PKNOX2: variants seen among roughly 807,000 people sequenced by gnomAD.
The protein encoded by PKNOX2 is PBX/knotted 1 homeobox 2, also known as homeobox protein PKNOX2.
Under a neutral mutation model 53.1 loss-of-function variants are expected in PKNOX2, and 14 were observed. The observed-to-expected ratio is 0.26, with a 90% CI of 0.17 to 0.41. The LOEUF is 0.41. Among genes scored for constraint, PKNOX2 ranks in the 10% least tolerant of loss-of-function variants. PKNOX2 has a pLI of 1.00. For missense variants in PKNOX2, 496 were observed against 602.8 expected, an observed-to-expected ratio of 0.82 and a Z score of 1.85; for synonymous variants, 257 against 242.8, an observed-to-expected ratio of 1.06 and a Z score of -0.54.
intron 5 of PKNOX2, among the ~76,000 whole-genome samples, chr11:125,368,676 A>T (rs1181488677): frequency 6.6e-6 from 1 of 152,166 alleles, no homozygotes; most frequent in Non-Finnish European, 1.5e-5. Flanking sequence ...CTTGTTCTGC[A>T]TCTGCCCCAC....
intron 2 of PKNOX2, among the ~76,000 whole-genome samples, chr11:125,326,991 C>T (rs763645250): frequency 9.2e-5 from 14 of 152,168 alleles, no homozygotes; most frequent in South Asian, 2.1e-4. Flanking sequence ...ACCGCACTCA[C>T]GGAAGAAGAG....
At chr11:125,339,231 G>A (rs1360346489) in intron 3 of PKNOX2, among the ~76,000 whole-genome samples, 1 of 152,184 alleles carries the variant, frequency 6.6e-6, no homozygotes, top group African/African-American at 2.4e-5. Flanking sequence ...GAGGATGTGG[G>A]TAATAACCCT....
At chr11:125,391,002 T>C (rs1954017771) in intron 6 of PKNOX2, among the ~76,000 whole-genome samples, 1 of 152,222 alleles carries the variant, frequency 6.6e-6, no homozygotes, top group African/African-American at 2.4e-5. Context: ...CCTGATTAGA[T>C]TTGAGCATTG....
At chr11:125,315,303 G>GCAAA (rs1949087067) in intron 2 of PKNOX2, among the ~76,000 whole-genome samples, 1 of 79,456 alleles carries the variant, frequency 1.3e-5, no homozygotes, top group African/African-American at 3.9e-5. Flanking sequence ...TGTGAAGCAG[G>GCAAA]AAAAAAAAAA....
At chr11:125,226,026 C>T (rs935961798) in intron 1 of PKNOX2, among the ~76,000 whole-genome samples, 1 of 152,246 alleles carries the variant, frequency 6.6e-6, no homozygotes, top group African/African-American at 2.4e-5. Flanking sequence ...CAACTTGCCT[C>T]CTCCTTTCTG....
chr11:125,170,988 G>C (rs924686216), intron 1 of PKNOX2, among the ~76,000 whole-genome samples: 1 of 148,848 alleles, frequency 6.7e-6, no homozygotes, highest in Non-Finnish European at 1.5e-5. Context: ...CTGGGGTGGA[G>C]GAGGAGCCAG....
In PKNOX2 at chr11:125,367,870, T is replaced by C. The variant is rs770986779; in HGVS notation, c.112T>C (p.Ser38Pro). Residue 38 changes from serine (S) to proline (P), a missense_variant, in exon 5 of 13, where the codon TCC becomes CCC. Physicochemically the swap from Ser to Pro is moderately conservative, Grantham distance 74. This residue lies in a region of PKNOX2 where 168 missense variants were observed against 178.4 expected (regional missense o/e 0.94). Transcript: ENST00000298282. ...GATGACGGCAACCGCCCAGCCACCCTCCAAGGCCCAGGCTGTCCACATCTC... is the reference window on the plus strand; with the variant it reads ...GATGACGGCAACCGCCCAGCCACCCCCCAAGGCCCAGGCTGTCCACATCTC... ...PQMTATAQPPSKAQAVHISAP... is the reference protein window; with the variant it reads ...PQMTATAQPPPKAQAVHISAP... The C allele has an allele frequency of 6.2e-7, 1 of 1,612,848 alleles. No homozygotes were observed. Among genetic ancestry groups the C allele is most frequent in the Non-Finnish European group, 8.5e-7 (1 of 1,179,664 alleles).
At chr11:125,246,457 A>C (rs899628448) in intron 2 of PKNOX2, among the ~76,000 whole-genome samples, 3 of 152,196 alleles carry the variant, frequency 2.0e-5, no homozygotes, top group African/African-American at 7.2e-5. Flanking sequence ...CAAATGTTCA[A>C]ACCATAGCAG....
chr11:125,212,477 CAG>C (rs1339051097), intron 1 of PKNOX2, among the ~76,000 whole-genome samples: 1 of 120,858 alleles, frequency 8.3e-6, no homozygotes, highest in Non-Finnish European at 1.6e-5. Flanking sequence ...TTTTTTGAGA[CAG>C]AGTCTTGCTC....
chr11:125,189,761 A>G (rs545997094), intron 1 of PKNOX2, among the ~76,000 whole-genome samples: 91 of 151,510 alleles, frequency 6.0e-4, no homozygotes, highest in African/African-American at 2.2e-3. Context: ...TGTCCCTGTC[A>G]ACTCCAAAAT....
intron 2 of PKNOX2, among the ~76,000 whole-genome samples, chr11:125,273,994 G>A (rs1047596301): frequency 3.3e-5 from 5 of 152,152 alleles, no homozygotes; most frequent in Admixed American, 6.5e-5. Context: ...GGCCAAAGAC[G>A]TAGCTTCCTG....
chr11:125,373,362 C>T (rs527390000), intron 5 of PKNOX2, among the ~76,000 whole-genome samples: 5 of 152,172 alleles, frequency 3.3e-5, no homozygotes, highest in Non-Finnish European at 7.3e-5. Flanking sequence ...CTGGTACATT[C>T]GGGGGGACAG....
chr11:125,352,430 T>C lies in PKNOX2; in HGVS notation c.87+1038T>C, dbSNP rs1411914267. Among the ~76,000 whole-genome samples, 2 of 152,188 alleles carry C rather than the reference T, an allele frequency of 1.3e-5. No individual in the cohort carries two copies. Among genetic ancestry groups the C allele is most frequent in the Non-Finnish European group, 2.9e-5 (2 of 68,032 alleles). On this transcript the variant is annotated intron_variant, in intron 4 of 12. Transcript: ENST00000298282. The surrounding 1 kb of genome is among the most constrained non-coding windows in gnomAD (Gnocchi z 4.1). The stretch of plus-strand genomic sequence containing the variant: ...CTCCAGCAGCCACTCTCTGCCCTCC[T>C]CTGCCATCCCTCACTCATTGGCATT...
intron 5 of PKNOX2, among the ~76,000 whole-genome samples, chr11:125,372,162 T>C (rs1271433515): frequency 8.5e-5 from 13 of 152,154 alleles, no homozygotes; most frequent in African/African-American, 2.7e-4. Context: ...TAGTTCTAGG[T>C]TGATGTGCCG....
intron 2 of PKNOX2, among the ~76,000 whole-genome samples, chr11:125,284,376 G>C (rs1277966902): frequency 2.0e-5 from 3 of 152,178 alleles, no homozygotes; most frequent in Admixed American, 6.5e-5. Flanking sequence ...TCAGCCCGCT[G>C]CTCCTCAAGG....
intron 12 of PKNOX2, 72 bp from the exon 13 acceptor site, chr11:125,431,094 C>T (rs1239216121): frequency 1.3e-6 from 2 of 1,542,796 alleles, no homozygotes; most frequent in Non-Finnish European, 1.7e-6. Context: ...TCCATTAAAC[C>T]CTGTCCAACA....
intron 2 of PKNOX2, chr11:125,259,251 G>C (rs966255156): frequency 6.6e-6 from 1 of 152,396 alleles, no homozygotes; most frequent in Non-Finnish European, 1.5e-5. Context: ...TAAAATGAGA[G>C]GATACATTCA....
In PKNOX2 at chr11:125,373,161, A is replaced by G. The variant is rs1352874035; in HGVS notation, c.227+5176A>G. ...TCATGCTCTAGAAATAGACTTGGTG[A>G]GAACTGGCTTTGTCACCATCGGCTA... On this transcript the variant is annotated intron_variant, in intron 5 of 12. Coordinates refer to ENST00000298282, the MANE Select transcript of PKNOX2 (RefSeq NM_001382323.2). Among the ~76,000 whole-genome samples the G allele has an allele frequency of 5.9e-5, 9 of 152,370 alleles. 1 individual carries two copies. Among genetic ancestry groups the G allele is most frequent in the Admixed American group, 5.2e-4 (8 of 15,310 alleles).
chr11:125,166,671 G>A lies in PKNOX2; in HGVS notation c.-201+1895G>A, dbSNP rs1199296713. Among the ~76,000 whole-genome samples the A allele has an allele frequency of 2.0e-5, 3 of 152,174 alleles. No homozygotes were observed. Among genetic ancestry groups the A allele is most frequent in the Non-Finnish European group, 4.4e-5 (3 of 68,026 alleles). On this transcript the variant is annotated intron_variant, in intron 1 of 12. Transcript: ENST00000298282. The surrounding 1 kb of genome is among the most constrained non-coding windows in gnomAD (Gnocchi z 4.0). ...CACAGTGGGCCGAGGAGTCTGGGCT[G>A]TGGCCCAGGGTAGGACCGGCTCAAA... is the stretch of plus-strand genomic sequence containing the variant.
Sources: allele counts gnomAD v4.1 joint callset (sites outside exome capture counted in the v4.1 genomes callset), GRCh38; gene constraint gnomAD v4.1.1; regional missense constraint gnomAD v4.1.1; non-coding constraint Gnocchi (gnomAD v3.1); transcripts MANE v1.5; gene names NCBI Gene and HGNC (gene_info 2026-07-23, HGNC 2026-07-21).